Variants in PDE4D observed in about 807,000 individuals in gnomAD.
PDE4D encodes phosphodiesterase 4D.
In PDE4D, 24 loss-of-function variants were observed where a neutral mutation model predicts 87.4. The observed-to-expected ratio is 0.27, with a 90% CI of 0.20 to 0.39. PDE4D has a LOEUF of 0.39. PDE4D is among the 10% of genes least tolerant of loss of function. The pLI is 1.00. For missense variants in PDE4D, 714 were observed against 1,041.0 expected (o/e 0.69, Z 4.32); for synonymous variants, 384 against 383.2 (o/e 1.00, Z -0.02).
intron 1 of PDE4D, among the ~76,000 whole-genome samples, chr5:59,555,967 G>T (rs1016549905): frequency 5.9e-5 from 9 of 152,158 alleles, no homozygotes; most frequent in Admixed American, 2.0e-4. Flanking sequence ...TTTGCTGGAA[G>T]ATGTGGAATG....
chr5:59,612,605 A>T (rs1829148006), intron 1 of PDE4D, among the ~76,000 whole-genome samples: 1 of 152,184 alleles, frequency 6.6e-6, no homozygotes, highest in South Asian at 2.1e-4. Context: ...CTATATAAGG[A>T]TTATATGATA....
At chr5:59,078,861 G>T (rs1295572247) in intron 5 of PDE4D, among the ~76,000 whole-genome samples, 1 of 152,118 alleles carries the variant, frequency 6.6e-6, no homozygotes, top group African/African-American at 2.4e-5. Context: ...GCTTTGCCCT[G>T]ATGTAAGGGT....
intron 1 of PDE4D, among the ~76,000 whole-genome samples, chr5:59,681,900 C>CAA (rs11266968): frequency 0.2 from 19,011 of 96,022 alleles, 2,258 homozygotes; most frequent in South Asian, 0.26. Context: ...GACTCTGTCT[C>CAA]AAAAAAAAAA....
At chr5:59,858,599 T>C (rs966123223) in intron 1 of PDE4D, among the ~76,000 whole-genome samples, 1 of 152,074 alleles carries the variant, frequency 6.6e-6, no homozygotes, top group Non-Finnish European at 1.5e-5. Context: ...GAATGTGGAA[T>C]GGAGATGCGC....
At chr5:59,352,463 C>T (rs887150079) in intron 1 of PDE4D, among the ~76,000 whole-genome samples, 4 of 152,098 alleles carry the variant, frequency 2.6e-5, no homozygotes, top group African/African-American at 9.7e-5. Context: ...GTGGCATTCA[C>T]TTCCTTTCTA....
chr5:59,776,011 T>G (rs1764041160), intron 1 of PDE4D, among the ~76,000 whole-genome samples: 1 of 152,218 alleles, frequency 6.6e-6, no homozygotes, highest in African/African-American at 2.4e-5. Context: ...ACTGAACATG[T>G]CTATAATTCA....
At chr5:60,119,731 C>G (rs932501283) in intron 2 of PDE4D, among the ~76,000 whole-genome samples, 1 of 152,146 alleles carries the variant, frequency 6.6e-6, no homozygotes, top group Non-Finnish European at 1.5e-5. Flanking sequence ...GGTACACACA[C>G]TCATACTCAC....
intron 1 of PDE4D, among the ~76,000 whole-genome samples, chr5:60,428,490 T>C (rs1235351291): frequency 6.6e-6 from 1 of 152,158 alleles, no homozygotes; most frequent in Admixed American, 6.5e-5. Context: ...TACTGATGCC[T>C]GAAGGTATGT....
At chr5:60,076,175 T>C (rs984564642) in intron 2 of PDE4D, among the ~76,000 whole-genome samples, 1 of 152,060 alleles carries the variant, frequency 6.6e-6, no homozygotes, top group Admixed American at 6.6e-5. Context: ...TTTTTTTTTT[T>C]TGAGATGGAG....
intron 5 of PDE4D, among the ~76,000 whole-genome samples, chr5:59,044,893 T>C (rs1760357435): frequency 6.6e-6 from 1 of 152,226 alleles, no homozygotes. Flanking sequence ...ATGCCTCTAG[T>C]AGAATTTTTA....
intron 1 of PDE4D, among the ~76,000 whole-genome samples, chr5:59,482,326 G>A (rs577763392): frequency 1.2e-4 from 19 of 152,194 alleles, no homozygotes; most frequent in Non-Finnish European, 2.2e-4. Context: ...TTTAACCATT[G>A]TCTACTGGTC....
intron 1 of PDE4D, among the ~76,000 whole-genome samples, chr5:59,642,654 G>A (rs1741796864): frequency 6.6e-6 from 1 of 152,124 alleles, no homozygotes; most frequent in Non-Finnish European, 1.5e-5. Context: ...CCGGCCATGT[G>A]GAACTGTAAA....
chr5:59,515,859 G>C (rs1045991245), intron 1 of PDE4D, among the ~76,000 whole-genome samples: 9 of 152,178 alleles, frequency 5.9e-5, no homozygotes, highest in Non-Finnish European at 1.2e-4. Context: ...CGTGTCAAAG[G>C]TAACACTACC....
chr5:60,311,394 G>A (rs1286867710), intron 1 of PDE4D, among the ~76,000 whole-genome samples: 4 of 152,200 alleles, frequency 2.6e-5, no homozygotes, highest in East Asian at 1.9e-4. Flanking sequence ...CAAGCCAGAC[G>A]AGGCCAGAGG....
chr5:59,941,620 C>T (rs751657586), intron 3 of PDE4D, among the ~76,000 whole-genome samples: 2 of 152,118 alleles, frequency 1.3e-5, no homozygotes, highest in African/African-American at 2.4e-5. Flanking sequence ...GGATTATTGC[C>T]CCCGCCACCA....
intron 3 of PDE4D, among the ~76,000 whole-genome samples, chr5:59,939,628 G>A (rs1482854586): frequency 3.3e-5 from 5 of 152,092 alleles, no homozygotes; most frequent in Admixed American, 6.6e-5. Flanking sequence ...ACAAACGAAG[G>A]GCAAATTAGG....
intron 1 of PDE4D, among the ~76,000 whole-genome samples, chr5:59,737,749 A>C (rs1758278295): frequency 6.6e-6 from 1 of 152,078 alleles, no homozygotes; most frequent in Non-Finnish European, 1.5e-5. Context: ...CAATGTTTAA[A>C]TCATTAGCTG....
intron 1 of PDE4D, among the ~76,000 whole-genome samples, chr5:59,789,155 C>A (rs578029627): frequency 9.2e-4 from 140 of 152,292 alleles, no homozygotes; most frequent in Middle Eastern, 3.4e-3. Context: ...TGGGAAGCCT[C>A]ACCTAAGAAA....
chr5:59,739,402 A>G (rs1758538966), intron 1 of PDE4D, among the ~76,000 whole-genome samples: 1 of 152,172 alleles, frequency 6.6e-6, no homozygotes, highest in African/African-American at 2.4e-5. Context: ...CCTGGGTGAC[A>G]GAATGAGACT....
Sources: allele counts gnomAD v4.1 joint callset (sites outside exome capture counted in the v4.1 genomes callset), GRCh38; gene constraint gnomAD v4.1.1; transcripts MANE v1.5; gene names NCBI Gene and HGNC (gene_info 2026-07-23, HGNC 2026-07-21).